ZNF385D: variants seen among roughly 807,000 people sequenced by gnomAD.
ZNF385D encodes zinc finger protein 385D, also known as zinc finger protein 659.
ZNF385D carries 15 observed loss-of-function variants against 35.8 expected under a neutral mutation model. The ratio of observed to expected loss-of-function variants is 0.42; its 90% CI spans 0.28 to 0.64. The LOEUF (loss-of-function observed/expected upper bound fraction) is 0.64. Ranked by LOEUF, ZNF385D falls within the 30% of genes least tolerant of loss-of-function variation. The pLI is 0.23. For missense variants in ZNF385D, 474 were observed against 494.6 expected (o/e 0.96, Z 0.39); for synonymous variants, 212 against 186.8 (o/e 1.13, Z -1.10).
chr3:21,921,809 C>A (rs1302700402), intron 3 of ZNF385D, among the ~76,000 whole-genome samples: 1 of 149,516 alleles, frequency 6.7e-6, no homozygotes, highest in South Asian at 2.1e-4. Flanking sequence ...AAACCCTGAA[C>A]AGACCAGCAA....
chr3:21,894,183 CAACAT>C (rs1307338224), intron 3 of ZNF385D, among the ~76,000 whole-genome samples: 4 of 151,916 alleles, frequency 2.6e-5, no homozygotes, highest in African/African-American at 9.7e-5. Context: ...TTCCTTTGAA[CAACAT>C]AACAAGAAAA....
At chr3:21,791,186 T>C (rs900888801) in intron 3 of ZNF385D, among the ~76,000 whole-genome samples, 2 of 152,226 alleles carry the variant, frequency 1.3e-5, no homozygotes, top group African/African-American at 4.8e-5. Context: ...TTCTGAGGTA[T>C]GTAAAAAGAA....
intron 3 of ZNF385D, among the ~76,000 whole-genome samples, chr3:22,120,181 C>G (rs1025254437): frequency 9.9e-5 from 15 of 151,964 alleles, no homozygotes; most frequent in South Asian, 8.3e-4. Flanking sequence ...CCTTAGTTTA[C>G]TAGGGCTGCC....
intron 3 of ZNF385D, among the ~76,000 whole-genome samples, chr3:22,059,694 C>T (rs1391069476): frequency 2.6e-5 from 4 of 152,164 alleles, no homozygotes; most frequent in Non-Finnish European, 5.9e-5. Flanking sequence ...ATATAAGTTT[C>T]AAAGAGCAGA....
chr3:21,680,271 T>G (rs1295721090), intron 1 of ZNF385D, among the ~76,000 whole-genome samples: 2 of 152,100 alleles, frequency 1.3e-5, no homozygotes, highest in Non-Finnish European at 2.9e-5. Flanking sequence ...TAAATTTCAA[T>G]AAAAGTAAAT....
At chr3:21,896,528 C>CT (rs1160174538) in intron 3 of ZNF385D, among the ~76,000 whole-genome samples, 5 of 152,042 alleles carry the variant, frequency 3.3e-5, no homozygotes, top group African/African-American at 9.7e-5. Context: ...GGGCCTGGGC[C>CT]TTTTTTTCCC....
chr3:22,187,790 T>C (rs1044000043), intron 2 of ZNF385D, among the ~76,000 whole-genome samples: 14 of 152,162 alleles, frequency 9.2e-5, no homozygotes, highest in African/African-American at 2.7e-4. Context: ...ACAGCGATGG[T>C]AGCTGTCCAC....
At chr3:21,603,865 T>C (rs2064394958) in intron 2 of ZNF385D, among the ~76,000 whole-genome samples, 1 of 152,172 alleles carries the variant, frequency 6.6e-6, no homozygotes, top group Non-Finnish European at 1.5e-5. Context: ...TGGACTATGC[T>C]TCCCAGCACA....
chr3:21,941,580 C>T (rs1049385008), intron 3 of ZNF385D, among the ~76,000 whole-genome samples: 2 of 150,478 alleles, frequency 1.3e-5, no homozygotes, highest in Admixed American at 6.6e-5. Context: ...TCACTGCAAC[C>T]TCCGCCTCCC....
Position 22,217,254 on chromosome 3 carries a change from A to G in ZNF385D, c.107-48219T>C, listed in dbSNP as rs144028559. Among the ~76,000 whole-genome samples, 6 of 152,216 alleles carry G rather than the reference A, an allele frequency of 3.9e-5. No homozygotes were observed. In the East Asian group the frequency reaches 9.7e-4, roughly 25 times the overall value. ...CACTGCTTCTCACAGAAACCACAAT[A>G]AACACTTTTGCCCATGTTTTCCCTT... On this transcript the variant is annotated intron_variant, in intron 2 of 5. Transcript: ENST00000494108.
chr3:22,365,574 C>T (rs1161992735), intron 2 of ZNF385D, among the ~76,000 whole-genome samples: 1 of 151,880 alleles, frequency 6.6e-6, no homozygotes, highest in East Asian at 1.9e-4. Flanking sequence ...TGGTATGAAA[C>T]AAAGGAAAAC....
chr3:21,822,213 A>G (rs1265250037), intron 3 of ZNF385D, among the ~76,000 whole-genome samples: 18 of 151,926 alleles, frequency 1.2e-4, no homozygotes, highest in Admixed American at 1.2e-3. Context: ...CTGGGACTAC[A>G]GGCAGCCACC....
intron 3 of ZNF385D, among the ~76,000 whole-genome samples, chr3:21,832,680 G>C (rs898543980): frequency 2.0e-5 from 3 of 152,158 alleles, no homozygotes; most frequent in Admixed American, 6.5e-5. Context: ...GAATGGTAAG[G>C]TCATGCCATC....
chr3:22,109,710 A>C (rs1702409460), intron 3 of ZNF385D, among the ~76,000 whole-genome samples: 1 of 152,158 alleles, frequency 6.6e-6, no homozygotes, highest in Admixed American at 6.5e-5. Context: ...AGGATAGTTC[A>C]ACTCTGGGCA....
At chr3:21,474,738 C>T (rs926071487) in intron 4 of ZNF385D, among the ~76,000 whole-genome samples, 1 of 152,120 alleles carries the variant, frequency 6.6e-6, no homozygotes, top group African/African-American at 2.4e-5. Context: ...AATCCTCTCA[C>T]AAGTCTTGCT....
chr3:21,702,017 T>C (rs1240777769), intron 1 of ZNF385D, among the ~76,000 whole-genome samples: 1 of 152,128 alleles, frequency 6.6e-6, no homozygotes, highest in Non-Finnish European at 1.5e-5. Context: ...TTGGTGGATA[T>C]GCCATTCTCG....
intron 3 of ZNF385D, among the ~76,000 whole-genome samples, chr3:21,928,685 TTAAAA>T: frequency 6.6e-6 from 1 of 152,248 alleles, no homozygotes; most frequent in East Asian, 1.9e-4. Flanking sequence ...CACAGAAATT[TTAAAA>T]TAAAGAAACG....
chr3:22,165,330 GA>G (rs557860026), intron 3 of ZNF385D, among the ~76,000 whole-genome samples: 192 of 152,198 alleles, frequency 1.3e-3, no homozygotes, highest in African/African-American at 4.3e-3. Flanking sequence ...AGTCTATTAA[GA>G]AAAAAAGCTG....
At chr3:21,988,053 T>C (rs940288954) in intron 3 of ZNF385D, among the ~76,000 whole-genome samples, 2 of 141,984 alleles carry the variant, frequency 1.4e-5, no homozygotes, top group East Asian at 2.2e-4. Flanking sequence ...TAGTGGTTAT[T>C]CTAGTTATAC....
Sources: gnomAD v4.1 joint callset for allele counts (sites outside exome capture counted in the v4.1 genomes callset) on GRCh38, gnomAD v4.1.1 for gene constraint, MANE v1.5 for transcripts, NCBI Gene and HGNC (gene_info 2026-07-23, HGNC 2026-07-21) for gene names.